The following LRRC61 variants were observed in gnomAD, a reference collection of about 807,000 sequenced individuals.
LRRC61 encodes leucine rich repeat containing 61, also known as leucine-rich repeat-containing protein 61.
Under a neutral mutation model 15.1 loss-of-function variants are expected in LRRC61, and 9 were observed. The ratio of observed to expected loss-of-function variants is 0.60; its 90% confidence interval spans 0.36 to 1.04. The LOEUF is 1.04. Ranked by LOEUF, LRRC61 falls within the 50% of genes least tolerant of loss-of-function variation. The pLI, the probability that LRRC61 is intolerant of heterozygous loss-of-function variation, is 0.01. For synonymous variants in LRRC61, 173 were observed against 158.6 expected, an observed-to-expected ratio of 1.09 and a Z score of -0.68; for missense variants, 344 against 335.6, an observed-to-expected ratio of 1.03 and a Z score of -0.20.
chr7:150,323,795 G>T (rs1296886800), intron 1 of LRRC61: 1 of 433,626 alleles, frequency 2.3e-6, no homozygotes, highest in African/African-American at 2.1e-5. Context: ...CATGAGGCGG[G>T]TGCTGTTACT....
chr7:150,322,886 C>A (rs1384879438), upstream of LRRC61: 1 of 152,312 alleles, frequency 6.6e-6, no homozygotes, highest in African/African-American at 2.4e-5. Context: ...GCCTTCCACG[C>A]GGGAGACCTG....
Position 150,330,162 on chromosome 7 carries a change from G to A in LRRC61, c.-145+4152G>A. 3.5e-6 allele frequency: 2 copies of A among 572,370 alleles called. No homozygotes were observed. Among genetic ancestry groups the A allele is most frequent in the Admixed American group, 3.2e-5 (1 of 31,066 alleles). 35.5% of individuals were successfully genotyped at this position (572,370 alleles called of 1,614,324 possible). On this transcript the variant is annotated intron_variant, in intron 2 of 2. Coordinates refer to ENST00000359623, the MANE Select transcript of LRRC61 (RefSeq NM_001142928.2). This position sits in a 1 kb window ranked among gnomAD's most constrained non-coding sequence, Gnocchi z 4.6. ...CACCTGCAGCCATTTCTAAGGCTCT[G>A]TGGAGGCCCAGGGACTCCTCACCCA...
upstream of LRRC61, among the ~76,000 whole-genome samples, chr7:150,318,542 T>C (rs2129617478): frequency 6.6e-6 from 1 of 152,268 alleles, no homozygotes; most frequent in East Asian, 1.9e-4. Context: ...GGTGGGCGGA[T>C]CACGAGATCA....
In LRRC61 at chr7:150,330,267, C is replaced by T; in HGVS notation, c.-145+4257C>T. 3.1e-6 allele frequency: 2 copies of T among 643,968 alleles called. No homozygotes were observed. Among genetic ancestry groups the T allele is most frequent in the Non-Finnish European group, 5.6e-6 (2 of 359,386 alleles). 39.9% of individuals were successfully genotyped at this position (643,968 alleles called of 1,614,324 possible). ...CCACTGGGTCTCGGCCTACCACCTGCTGGAGTGGCTGGTGGAGCAGCAGCA... is the reference window on the plus strand; with the variant it reads ...CCACTGGGTCTCGGCCTACCACCTGTTGGAGTGGCTGGTGGAGCAGCAGCA... On this transcript the variant is annotated intron_variant, in intron 2 of 2. Coordinates refer to ENST00000359623, the MANE Select transcript of LRRC61 (RefSeq NM_001142928.2). The surrounding 1 kb of genome is among the most constrained non-coding windows in gnomAD (Gnocchi z 4.6).
At chr7:150,317,217 T>A in the LRRC61 span, among the ~76,000 whole-genome samples, 1 of 151,912 alleles carries the variant, frequency 6.6e-6, no homozygotes, top group Non-Finnish European at 1.5e-5. Context: ...CCCGGCTAAT[T>A]TTTTGTATTT....
Position 150,327,536 on chromosome 7 carries a change from G to A in LRRC61, c.-145+1526G>A, listed in dbSNP as rs369997172. Among the ~76,000 whole-genome samples, 30 of 152,172 alleles carry A rather than the reference G, an allele frequency of 2.0e-4. 1 individual carries two copies. Among genetic ancestry groups the A allele is most frequent in the African/African-American group, 3.6e-4 (15 of 41,526 alleles). On this transcript the variant is annotated intron_variant, in intron 2 of 2. Transcript: ENST00000359623. ...CCACTTTGACATAAGTTCTTGCACC[G>A]GGCCGGGCGTGGTGACTCACACCTG... is the stretch of plus-strand genomic sequence containing the variant.
the LRRC61 span, among the ~76,000 whole-genome samples, chr7:150,311,607 G>C: frequency 6.6e-6 from 1 of 152,126 alleles, no homozygotes. Flanking sequence ...CACAAGTCCT[G>C]AGCCACATGA....
chr7:150,331,082 T>C (rs1049932014), intron 2 of LRRC61: 1 of 1,613,544 alleles, frequency 6.2e-7, no homozygotes, highest in South Asian at 1.1e-5. Flanking sequence ...GGCCACCATC[T>C]ATCTGTCTTA....
At chr7:150,310,199 G>C in the LRRC61 span, among the ~76,000 whole-genome samples, 853 of 152,106 alleles carry the variant, frequency 5.6e-3, 6 homozygotes, top group African/African-American at 0.02. Flanking sequence ...CCAATTCAAG[G>C]CCTCTTTCAC....
rs571287535 is a variant in LRRC61 at position 150,336,745 on chromosome 7, G to A, written c.-117G>A. ...ACTGGCTGGCTTCGAGCAGGGCATC[G>A]GAACCAGGCCTCCTGGCACTGGCCT... On this transcript the variant is annotated 5_prime_UTR_variant, in exon 3 of 3. Coordinates refer to ENST00000359623, the MANE Select transcript of LRRC61 (RefSeq NM_001142928.2). 1.7e-4 allele frequency: 241 copies of A among 1,401,208 alleles called. No individual in the cohort carries two copies. In the African/African-American group the frequency reaches 2.9e-3, roughly 17 times the overall value. 86.8% of individuals were successfully genotyped at this position (1,401,208 alleles called of 1,614,324 possible). A position where few individuals can be genotyped will look rare whatever the true frequency, so the allele number is the denominator to read the frequency against.
chr7:150,314,699 T>G, the LRRC61 span, among the ~76,000 whole-genome samples: 3 of 147,862 alleles, frequency 2.0e-5, no homozygotes, highest in Non-Finnish European at 4.5e-5. Flanking sequence ...TCCCAGTACT[T>G]GGGAAGGCTG....
intron 2 of LRRC61, chr7:150,328,555 G>A (rs888368158): frequency 2.6e-5 from 4 of 152,332 alleles, no homozygotes; most frequent in African/African-American, 7.2e-5. Flanking sequence ...ACGTTCTATC[G>A]TGCTTGTCCC....
At chr7:150,314,412 G>A in the LRRC61 span, among the ~76,000 whole-genome samples, 1 of 152,158 alleles carries the variant, frequency 6.6e-6, no homozygotes, top group Admixed American at 6.5e-5. Flanking sequence ...TTATAGAAGA[G>A]AGTGATCCGC....
the LRRC61 span, among the ~76,000 whole-genome samples, chr7:150,316,887 C>T: frequency 6.6e-6 from 1 of 152,278 alleles, no homozygotes; most frequent in Admixed American, 6.5e-5. Flanking sequence ...ATTTAGTCCT[C>T]CTGCCCCTGA....
chr7:150,319,971 C>T (rs943859301), upstream of LRRC61, among the ~76,000 whole-genome samples: 9 of 152,248 alleles, frequency 5.9e-5, no homozygotes, highest in Non-Finnish European at 1.3e-4. Context: ...GGAAGATCAG[C>T]ATTTCCTTCC....
At chr7:150,317,196 C>T in the LRRC61 span, among the ~76,000 whole-genome samples, 4 of 152,040 alleles carry the variant, frequency 2.6e-5, no homozygotes, top group East Asian at 3.9e-4. Flanking sequence ...GGATTACAGG[C>T]GTGCAGCATG....
At chr7:150,318,889 C>T (rs978261471), upstream of LRRC61, among the ~76,000 whole-genome samples, 6 of 152,244 alleles carry the variant, frequency 3.9e-5, no homozygotes, top group African/African-American at 1.2e-4. Flanking sequence ...ATGCATTTCA[C>T]TCCCTTAGGG....
chr7:150,327,461 C>T (rs1797985673), intron 2 of LRRC61, among the ~76,000 whole-genome samples: 1 of 152,244 alleles, frequency 6.6e-6, no homozygotes, highest in African/African-American at 2.4e-5. Flanking sequence ...TGGTTTCTAG[C>T]AGTAAACATG....
rs1798178782 is a variant in LRRC61 at position 150,333,495 on chromosome 7, G to A, written c.-144-3223G>A. On this transcript the variant is annotated intron_variant, in intron 2 of 2. Coordinates refer to ENST00000359623, the MANE Select transcript of LRRC61 (RefSeq NM_001142928.2). The surrounding 1 kb of genome is among the most constrained non-coding windows in gnomAD (Gnocchi z 4.3). The stretch of plus-strand genomic sequence containing the variant: ...CTCTTCTAGAGCGTTAGAGCCTCCA[G>A]TCCACCCGAGGCTGCTCTGGGTTGA... Among the ~76,000 whole-genome samples, 1 of 152,224 alleles carries A rather than the reference G, an allele frequency of 6.6e-6. No individual in the cohort carries two copies. The highest frequency in any genetic ancestry group is 6.5e-5 in the Admixed American group (1 of 15,290).
Sources: gnomAD v4.1 joint callset for allele counts (sites outside exome capture counted in the v4.1 genomes callset) on GRCh38, gnomAD v4.1.1 for gene constraint, Gnocchi (gnomAD v3.1) non-coding constraint, MANE v1.5 for transcripts, NCBI Gene and HGNC (gene_info 2026-07-23, HGNC 2026-07-21) for gene names.